PRRX1: variants seen among roughly 807,000 people sequenced by gnomAD.
PRRX1 encodes the protein paired mesoderm homeobox protein 1.
Under a neutral mutation model 24.0 loss-of-function variants are expected in PRRX1, and 8 were observed. That is an observed-to-expected ratio of 0.33 (90% CI 0.20 to 0.60). PRRX1 has a LOEUF of 0.60. Among genes scored for constraint, PRRX1 ranks in the 20% least tolerant of loss-of-function variants. PRRX1 has a pLI of 0.82. For synonymous variants in PRRX1, 160 were observed against 131.7 expected, an observed-to-expected ratio of 1.22 and a Z score of -1.47; for missense variants, 281 against 322.4, an observed-to-expected ratio of 0.87 and a Z score of 0.98.
At chr1:170,663,478 A>G (rs1193827940), upstream of PRRX1, 3 of 4,670 alleles carry the variant, frequency 6.4e-4, no homozygotes, top group Admixed American at 7.2e-3. Flanking sequence ...GGACTCTTGA[A>G]GCCTTTTTTT....
chr1:170,708,159 C>T (rs539658792), intron 1 of PRRX1, among the ~76,000 whole-genome samples: 7 of 152,148 alleles, frequency 4.6e-5, no homozygotes, highest in African/African-American at 7.2e-5. Flanking sequence ...GTGCTGGTCA[C>T]GACATGAGTC....
chr1:170,668,959 T>A (rs1653044559), intron 1 of PRRX1: 2 of 152,142 alleles, frequency 1.3e-5, no homozygotes, highest in Non-Finnish European at 2.9e-5. Flanking sequence ...GAGCTGAATG[T>A]CAAGGCCAGC....
chr1:170,706,781 G>C (rs546032521), intron 1 of PRRX1, among the ~76,000 whole-genome samples: 2 of 152,208 alleles, frequency 1.3e-5, no homozygotes, highest in South Asian at 4.2e-4. Flanking sequence ...ACACTTCATG[G>C]CCAGAAAAGC....
chr1:170,683,772 T>C (rs1385551479), intron 1 of PRRX1, among the ~76,000 whole-genome samples: 1 of 152,214 alleles, frequency 6.6e-6, no homozygotes, highest in African/African-American at 2.4e-5. Flanking sequence ...AATTCAGATA[T>C]GTGAAGACTT....
At chr1:170,679,362 A>T (rs995605722) in intron 1 of PRRX1, among the ~76,000 whole-genome samples, 1 of 152,202 alleles carries the variant, frequency 6.6e-6, no homozygotes, top group African/African-American at 2.4e-5. Context: ...CCATCAGGGG[A>T]TGTCAAAATT....
chr1:170,730,417 A>T (rs1314244194), intron 3 of PRRX1: 2 of 1,348,048 alleles, frequency 1.5e-6, no homozygotes, highest in African/African-American at 2.9e-5. Flanking sequence ...AGAGTGTTTA[A>T]GAAAGTGGGG....
intron 1 of PRRX1, among the ~76,000 whole-genome samples, chr1:170,684,863 A>T (rs1653677944): frequency 6.6e-6 from 1 of 152,234 alleles, no homozygotes. Flanking sequence ...CAGCATCTTG[A>T]GCTTTCCAAC....
At chr1:170,717,027 G>A (rs961717691) in intron 1 of PRRX1, among the ~76,000 whole-genome samples, 2 of 152,182 alleles carry the variant, frequency 1.3e-5, no homozygotes, top group African/African-American at 2.4e-5. Flanking sequence ...TGTCTCTGTT[G>A]CCCGCTCATC....
intron 1 of PRRX1, 25 bp downstream of exon 1, chr1:170,664,484 G>A (rs748698304): frequency 2.5e-6 from 4 of 1,583,070 alleles, no homozygotes; most frequent in Non-Finnish European, 2.6e-6. Context: ...CATGCCCACG[G>A]GGGTGTGTGC....
At position 170,736,279 on chromosome 1, in the gene PRRX1, A is replaced by C; in HGVS notation, c.*93A>C. 6.6e-7 allele frequency: 1 copy of C among 1,512,784 alleles called. No homozygotes were observed. Among genetic ancestry groups the C allele is most frequent in the South Asian group, 1.2e-5 (1 of 85,560 alleles). The allele number at this position is 1,512,784 out of a possible 1,614,324, so 93.7% of individuals were successfully genotyped here. On this transcript the variant is annotated 3_prime_UTR_variant, in exon 4 of 4. Transcript: ENST00000239461. ...ATTTCTTCATCTGCTGGGGGGAAAA[A>C]GTAAATTACAAACAAACAAACAAAG... is the stretch of plus-strand genomic sequence containing the variant.
Position 170,694,222 on chromosome 1 carries a change from TA to T in PRRX1, c.242-25500del, listed in dbSNP as rs1233528135. Among the ~76,000 whole-genome samples the T allele has an allele frequency of 3.9e-5, 6 of 152,248 alleles. No individual in the cohort carries two copies. The East Asian group carries it at 9.6e-4, about 24-fold the overall frequency. Reference sequence around the variant, plus strand: ...CGGTAGAAAGGTTTGATCAATTTTTTAAAATGAATTTAGGAAAAAATAGTAA... The same window carrying T: ...CGGTAGAAAGGTTTGATCAATTTTTTAAATGAATTTAGGAAAAAATAGTAA... On this transcript the variant is annotated intron_variant, in intron 1 of 3. Coordinates refer to ENST00000239461, the MANE Select transcript of PRRX1 (RefSeq NM_022716.4).
chr1:170,735,374 T>C (rs535510136), intron 3 of PRRX1, among the ~76,000 whole-genome samples: 1 of 152,302 alleles, frequency 6.6e-6, no homozygotes, highest in African/African-American at 2.4e-5. Flanking sequence ...ATTTTCAAAA[T>C]AACTGACCCA....
intron 2 of PRRX1, among the ~76,000 whole-genome samples, chr1:170,721,132 C>T (rs1031730372): frequency 6.6e-6 from 1 of 152,118 alleles, no homozygotes; most frequent in Non-Finnish European, 1.5e-5. Flanking sequence ...ACTCCCCACC[C>T]CGCCTCCCAA....
intron 1 of PRRX1, among the ~76,000 whole-genome samples, chr1:170,666,019 C>T (rs1652913980): frequency 6.6e-6 from 1 of 152,182 alleles, no homozygotes; most frequent in African/African-American, 2.4e-5. Context: ...AGGCTGCACC[C>T]GCAGCATTAC....
chr1:170,723,392 T>C (rs1458078198), intron 2 of PRRX1, among the ~76,000 whole-genome samples: 1 of 148,678 alleles, frequency 6.7e-6, no homozygotes, highest in Non-Finnish European at 1.5e-5. Flanking sequence ...ACTTGTTTTG[T>C]AGTTTTTCAA....
At chr1:170,713,833 C>T (rs769018700) in intron 1 of PRRX1, among the ~76,000 whole-genome samples, 29 of 152,172 alleles carry the variant, frequency 1.9e-4, no homozygotes, top group African/African-American at 4.1e-4. Flanking sequence ...ACAGTAAAGA[C>T]GACCATACAA....
At chr1:170,703,690 T>C (rs1038363538) in intron 1 of PRRX1, among the ~76,000 whole-genome samples, 17 of 152,160 alleles carry the variant, frequency 1.1e-4, no homozygotes, top group Admixed American at 6.6e-4. Flanking sequence ...ATTTCAGAAC[T>C]TGGGCTCTGT....
intron 2 of PRRX1, among the ~76,000 whole-genome samples, chr1:170,721,848 C>T (rs555537631): frequency 1.2e-4 from 18 of 152,242 alleles, no homozygotes; most frequent in South Asian, 1.0e-3. Context: ...TTTTATGCCA[C>T]GCCTCAGCTT....
Position 170,664,202 on chromosome 1 carries a change from G to GA in PRRX1, c.-16dup, listed in dbSNP as rs1652829406. On this transcript the variant is annotated 5_prime_UTR_variant, in exon 1 of 4. Transcript: ENST00000239461. Reference sequence around the variant, plus strand: ...CGAGCGGGAAGAGGGGGGTGGGTGGGATCGGTGGGGGAGACCATGACCTCC... The same window carrying GA: ...CGAGCGGGAAGAGGGGGGTGGGTGGGAATCGGTGGGGGAGACCATGACCTCC... 6.2e-7 allele frequency: 1 copy of GA among 1,603,564 alleles called. No individual in the cohort carries two copies. The highest frequency in any genetic ancestry group is 1.3e-5 in the African/African-American group (1 of 74,692).
Sources: gnomAD v4.1 joint callset for allele counts (sites outside exome capture counted in the v4.1 genomes callset) on GRCh38, gnomAD v4.1.1 for gene constraint, MANE v1.5 for transcripts, NCBI Gene and HGNC (gene_info 2026-07-23, HGNC 2026-07-21) for gene names.